LPIN2: variants seen among roughly 807,000 people sequenced by gnomAD.
LPIN2 encodes phosphatidate phosphatase LPIN2.
In LPIN2, 55 loss-of-function variants were observed where a neutral mutation model predicts 111.4. That is an observed-to-expected ratio of 0.49 (90% CI 0.40 to 0.62). The LOEUF (loss-of-function observed/expected upper bound fraction) is 0.62, where lower values mean the gene tolerates loss of function less well. LPIN2 is among the 20% of genes least tolerant of loss of function. The pLI is 0.00. For synonymous variants in LPIN2, 425 were observed against 414.0 expected, an observed-to-expected ratio of 1.03 and a Z score of -0.32; for missense variants, 992 against 1,112.1, an observed-to-expected ratio of 0.89 and a Z score of 1.54.
intron 9 of LPIN2, among the ~76,000 whole-genome samples, chr18:2,929,494 A>C (rs1051802318): frequency 6.6e-6 from 1 of 152,212 alleles, no homozygotes; most frequent in African/African-American, 2.4e-5. Context: ...ACACACACGA[A>C]AACTGTCGAA....
In LPIN2 at chr18:2,920,920, A is replaced by G. The variant is rs777807489; in HGVS notation, c.2443-39T>C. 3.8e-6 allele frequency: 5 copies of G among 1,315,426 alleles called. No homozygotes were observed. In the African/African-American group the frequency reaches 7.2e-5, roughly 19 times the overall value. The allele number at this position is 1,315,426 out of a possible 1,614,324, so 81.5% of individuals were successfully genotyped here. ...TAGCAAGCGGGTGATTCCAGGGAGG[A>G]GAATTCAGGAGATACTTCTCAGGCT... On this transcript the variant is annotated intron_variant, in intron 18 of 19. Transcript: ENST00000677752.
chr18:2,999,221 G>C (rs2078391695), intron 1 of LPIN2, among the ~76,000 whole-genome samples: 1 of 152,216 alleles, frequency 6.6e-6, no homozygotes. Flanking sequence ...TATTTGGAAA[G>C]GGGATCTTTA....
chr18:2,940,697 A>C lies in LPIN2; in HGVS notation c.606T>G (p.Ala202=). Residue 202 remains alanine (A), a synonymous_variant, in exon 5 of 20, where the codon GCT becomes GCG. Transcript: ENST00000677752. The part of the protein sequence containing the change: ...GAQAARGSSN[A]SLKEEECKEP... The stretch of plus-strand genomic sequence containing the variant: ...CTTTACATTCTTCTTCTTTCAAGGA[A>C]GCATTTGAAGATCCTCTGTGAAGGA... 1 of 1,609,654 alleles carries C rather than the reference A, an allele frequency of 6.2e-7. No homozygotes were observed.
intron 1 of LPIN2, among the ~76,000 whole-genome samples, chr18:2,962,552 A>T (rs1449715510): frequency 6.6e-6 from 1 of 152,250 alleles, no homozygotes; most frequent in Admixed American, 6.5e-5. Context: ...TGGGGAGGAA[A>T]TAGTGTTTCA....
chr18:2,927,801 T>C lies in LPIN2; in HGVS notation c.1631A>G (p.Glu544Gly), dbSNP rs760055156. The C allele has an allele frequency of 8.1e-6, 13 of 1,614,056 alleles. No individual in the cohort carries two copies. The highest frequency in any genetic ancestry group is 1.1e-5 in the Non-Finnish European group (13 of 1,180,022). The change falls in exon 12 of 20, where the codon GAG (glutamate) becomes GGG (glycine). Residue 544 changes from glutamate to glycine, a missense_variant. This residue lies in a region of LPIN2 where 709 missense variants were observed against 753.2 expected (regional missense o/e 0.94). Transcript: ENST00000677752. ...TGGCATCTTGTCTTTCACCCAGGAC[T>C]CAACTGTGGCCTGAAAACAACCAAC... ...FQKSLPKATV[E>G]SWVKDKMPKK... is the part of the protein sequence containing the mutation.
intron 8 of LPIN2, among the ~76,000 whole-genome samples, chr18:2,932,143 T>C (rs772211076): frequency 6.6e-6 from 1 of 152,200 alleles, no homozygotes; most frequent in African/African-American, 2.4e-5. Flanking sequence ...CCTTATGCAA[T>C]GAAGTGTAAA....
intron 16 of LPIN2, 30 bp downstream of exon 16, chr18:2,923,745 A>G: frequency 6.3e-7 from 1 of 1,576,430 alleles, no homozygotes; most frequent in Non-Finnish European, 8.7e-7. Flanking sequence ...CCAGCTCACC[A>G]GAGCGAGTTA....
At chr18:3,008,567 C>T (rs535732408) in intron 1 of LPIN2, among the ~76,000 whole-genome samples, 2 of 152,266 alleles carry the variant, frequency 1.3e-5, no homozygotes, top group East Asian at 1.9e-4. Context: ...ATATTTTTTG[C>T]GGAGTAAAAT....
intron 1 of LPIN2, among the ~76,000 whole-genome samples, chr18:2,979,806 T>C (rs936641504): frequency 6.6e-6 from 1 of 152,172 alleles, no homozygotes; most frequent in Non-Finnish European, 1.5e-5. Flanking sequence ...TCAGAGAATT[T>C]ACTCCCCCAA....
At chr18:2,952,122 AAT>A (rs1260589632) in intron 3 of LPIN2, among the ~76,000 whole-genome samples, 2 of 152,174 alleles carry the variant, frequency 1.3e-5, no homozygotes, top group Non-Finnish European at 2.9e-5. Context: ...GAAGGTACAT[AAT>A]AGAGATAAAA....
At chr18:2,993,190 G>C in intron 1 of LPIN2, among the ~76,000 whole-genome samples, 1 of 149,938 alleles carries the variant, frequency 6.7e-6, no homozygotes, top group African/African-American at 2.5e-5. Context: ...AAAGAAGAAA[G>C]GAGAAAGGAA....
chr18:2,954,811 G>C (rs2077584706), intron 2 of LPIN2, among the ~76,000 whole-genome samples: 2 of 152,300 alleles, frequency 1.3e-5, no homozygotes, highest in Middle Eastern at 3.4e-3. Flanking sequence ...GGAATTGAAA[G>C]AAAGTGTTTC....
At chr18:2,969,737 C>A (rs1297457959) in intron 1 of LPIN2, among the ~76,000 whole-genome samples, 3 of 152,146 alleles carry the variant, frequency 2.0e-5, no homozygotes, top group Non-Finnish European at 4.4e-5. Flanking sequence ...CAACCCAGAC[C>A]TACTACATAA....
intron 1 of LPIN2, among the ~76,000 whole-genome samples, chr18:2,989,954 T>C (rs1224399722): frequency 2.0e-5 from 3 of 151,472 alleles, no homozygotes; most frequent in Non-Finnish European, 4.4e-5. Context: ...AATCAAAACA[T>C]TGTAGTACTG....
intron 1 of LPIN2, among the ~76,000 whole-genome samples, chr18:3,003,145 AT>A (rs1160800912): frequency 6.6e-6 from 1 of 152,224 alleles, no homozygotes; most frequent in African/African-American, 2.4e-5. Flanking sequence ...ATATTCATGA[AT>A]TTGGGAATTC....
chr18:2,920,506 G>A (rs1369332916), intron 19 of LPIN2, 69 bp from the exon 20 acceptor site: 50 of 1,544,300 alleles, frequency 3.2e-5, no homozygotes, highest in Non-Finnish European at 4.3e-5. Context: ...AAGATGGGGG[G>A]CTGTGAAGCT....
chr18:2,924,662 G>A (rs1010296849), intron 14 of LPIN2, 116 bp from the exon 15 acceptor site: 22 of 1,093,240 alleles, frequency 2.0e-5, no homozygotes, highest in African/African-American at 3.1e-5. Flanking sequence ...GATGGTTTCC[G>A]GGGTCTTAGA....
At chr18:2,978,666 TCAAAA>T (rs932451572) in intron 1 of LPIN2, among the ~76,000 whole-genome samples, 3 of 152,250 alleles carry the variant, frequency 2.0e-5, no homozygotes, top group Non-Finnish European at 4.4e-5. Flanking sequence ...AGTTTCATTT[TCAAAA>T]CAAAACAAAA....
intron 13 of LPIN2, 139 bp downstream of exon 13, chr18:2,926,584 T>C (rs765551993): frequency 1.8e-5 from 13 of 716,882 alleles, no homozygotes; most frequent in Non-Finnish European, 2.7e-5. Flanking sequence ...ATCTGCTGAG[T>C]GGCACAAATA....
Sources: allele counts gnomAD v4.1 joint callset (sites outside exome capture counted in the v4.1 genomes callset), GRCh38; gene constraint gnomAD v4.1.1; regional missense constraint gnomAD v4.1.1; transcripts MANE v1.5; gene names NCBI Gene and HGNC (gene_info 2026-07-23, HGNC 2026-07-21).